Variants in AUTS2 observed in about 807,000 individuals in gnomAD.
The protein encoded by AUTS2 is activator of transcription and developmental regulator AUTS2, also known as autism susceptibility gene 2 protein.
A neutral mutation model predicts 112.4 loss-of-function variants in AUTS2; 17 were observed. The ratio of observed to expected loss-of-function variants is 0.15; its 90% CI spans 0.10 to 0.23. AUTS2 has a LOEUF of 0.23. AUTS2 is among the 10% of genes least tolerant of loss of function. The probability of loss-of-function intolerance (pLI) is 1.00; values close to 1 mark genes in which losing one functional copy is unlikely to be tolerated. For synonymous variants in AUTS2, 751 were observed against 702.7 expected (o/e 1.07, Z -1.09); for missense variants, 1,510 against 1,701.6 (o/e 0.89, Z 1.98).
At chr7:70,152,054 A>T (rs1218399538) in intron 4 of AUTS2, among the ~76,000 whole-genome samples, 1 of 152,208 alleles carries the variant, frequency 6.6e-6, no homozygotes, top group African/African-American at 2.4e-5. Context: ...AAAATATATT[A>T]TATGGGATTA....
chr7:70,629,503 G>A (rs1805144937), intron 5 of AUTS2, among the ~76,000 whole-genome samples: 2 of 151,770 alleles, frequency 1.3e-5, no homozygotes, highest in Non-Finnish European at 1.5e-5. Flanking sequence ...AAAGCCCACA[G>A]CTAAAAGCCA....
rs1171296742 is a variant in AUTS2 at position 70,303,430 on chromosome 7, G to GCACA, written c.661-132321_661-132320insACAC. Among the ~76,000 whole-genome samples the GCACA allele has an allele frequency of 1.2e-3, 137 of 109,940 alleles. 1 individual carries two copies. The highest frequency in any genetic ancestry group is 4.7e-3 in the African/African-American group (130 of 27,552). The allele number at this position is 109,940 out of a possible 152,430, so 72.1% of individuals were successfully genotyped here. Reference sequence around the variant, plus strand: ...TGTGCACGCACACACACACGCGCGCGCGCGCACATACACACACACACACAC... The same window carrying GCACA: ...TGTGCACGCACACACACACGCGCGCGCACACGCGCACATACACACACACACACAC... On this transcript the variant is annotated intron_variant, in intron 4 of 18. Coordinates refer to ENST00000342771, the MANE Select transcript of AUTS2 (RefSeq NM_015570.4).
chr7:70,627,742 G>T (rs1343406056), intron 5 of AUTS2, among the ~76,000 whole-genome samples: 2 of 152,232 alleles, frequency 1.3e-5, no homozygotes, highest in African/African-American at 4.8e-5. Context: ...AAAAAGGGAT[G>T]CTTTGTTCTC....
At chr7:70,596,141 G>T in intron 5 of AUTS2, 1 of 152,936 alleles carries the variant, frequency 6.5e-6, no homozygotes, top group South Asian at 1.8e-4. Context: ...CGGTCATGAG[G>T]AGCGAGGCGG....
At chr7:70,155,462 C>CT (rs112695108) in intron 4 of AUTS2, among the ~76,000 whole-genome samples, 6,305 of 137,482 alleles carry the variant, frequency 0.046, 171 homozygotes, top group Middle Eastern at 0.095. Context: ...GGGCCCTTGA[C>CT]TTTTTTTTTT....
At chr7:70,553,760 CTTTTTTTTTTTT>C (rs71531706) in intron 5 of AUTS2, among the ~76,000 whole-genome samples, 1 of 56,118 alleles carries the variant, frequency 1.8e-5, no homozygotes, top group Non-Finnish European at 3.1e-5. Flanking sequence ...GCCTTTCTTT[CTTTTTTTTTTTT>C]TTTTTTTTTT....
chr7:69,784,935 C>T (rs563923746), intron 1 of AUTS2, among the ~76,000 whole-genome samples: 10 of 152,124 alleles, frequency 6.6e-5, no homozygotes, highest in Non-Finnish European at 1.2e-4. Context: ...AAAAAAGGTC[C>T]TTGCTGTCGT....
At chr7:70,287,827 A>AT (rs11399293) in intron 4 of AUTS2, among the ~76,000 whole-genome samples, 3 of 150,784 alleles carry the variant, frequency 2.0e-5, no homozygotes, top group South Asian at 4.2e-4. Context: ...AAAAAAAAAA[A>AT]TTTTTTTTTA....
intron 5 of AUTS2, among the ~76,000 whole-genome samples, chr7:70,581,319 G>T (rs1217895764): frequency 1.3e-5 from 2 of 152,156 alleles, no homozygotes; most frequent in Non-Finnish European, 2.9e-5. Flanking sequence ...CTGGGAGGCG[G>T]AGGTTGTGGT....
intron 4 of AUTS2, among the ~76,000 whole-genome samples, chr7:70,330,641 CAGCTTTTGCATTTCTGCAAAAAGA>C (rs1187912613): frequency 2.0e-5 from 3 of 152,148 alleles, no homozygotes; most frequent in Non-Finnish European, 4.4e-5. Flanking sequence ...ATCTGTGGAT[CAGCTTTTGCATTTCTGCAAAAAGA>C]TCACTAGAAT....
At chr7:69,725,850 G>A (rs977306227) in intron 1 of AUTS2, among the ~76,000 whole-genome samples, 8 of 152,172 alleles carry the variant, frequency 5.3e-5, no homozygotes, top group Non-Finnish European at 8.8e-5. Flanking sequence ...TAATGTACCT[G>A]CAGGATTTGG....
intron 2 of AUTS2, among the ~76,000 whole-genome samples, chr7:69,970,873 T>C (rs2129547981): frequency 6.6e-6 from 1 of 152,316 alleles, no homozygotes; most frequent in East Asian, 1.9e-4. Flanking sequence ...TCCCTGCACG[T>C]AATAGATATT....
chr7:70,459,793 A>C (rs1796887735), intron 5 of AUTS2, among the ~76,000 whole-genome samples: 1 of 152,182 alleles, frequency 6.6e-6, no homozygotes, highest in African/African-American at 2.4e-5. Flanking sequence ...CTCCTGGATG[A>C]ACTGCACTGT....
At chr7:70,585,079 G>A (rs1455179836) in intron 5 of AUTS2, among the ~76,000 whole-genome samples, 1 of 152,186 alleles carries the variant, frequency 6.6e-6, no homozygotes, top group African/African-American at 2.4e-5. Context: ...CAAATCTGAG[G>A]GGTGTGTTGG....
intron 1 of AUTS2, among the ~76,000 whole-genome samples, chr7:69,723,066 G>A (rs376828170): frequency 7.9e-5 from 12 of 152,108 alleles, no homozygotes; most frequent in African/African-American, 2.9e-4. Flanking sequence ...TGTTGTACGT[G>A]CAGCTGCATA....
At chr7:70,674,605 A>T (rs1807818152) in intron 5 of AUTS2, among the ~76,000 whole-genome samples, 1 of 152,222 alleles carries the variant, frequency 6.6e-6, no homozygotes. Flanking sequence ...GATAATGGCA[A>T]CCTGGCCTTC....
intron 1 of AUTS2, among the ~76,000 whole-genome samples, chr7:69,643,687 G>A (rs534171890): frequency 2.0e-5 from 3 of 151,962 alleles, no homozygotes; most frequent in East Asian, 1.9e-4. Flanking sequence ...TGCTCATTAA[G>A]TGTTTGTCAA....
At chr7:69,899,562 A>G (rs1584412917) in intron 2 of AUTS2, 64 bp downstream of exon 2, 2 of 1,516,574 alleles carry the variant, frequency 1.3e-6, no homozygotes, top group African/African-American at 1.4e-5. Context: ...TGCTTCCTCC[A>G]CTGTGGTTTT....
intron 6 of AUTS2, among the ~76,000 whole-genome samples, chr7:70,716,664 A>AAAAAAAG (rs1810390632): frequency 6.8e-6 from 1 of 146,970 alleles, no homozygotes; most frequent in Non-Finnish European, 1.5e-5. Flanking sequence ...AAAAAAAAAA[A>AAAAAAAG]AGGGAAGTCT....
Sources: allele counts gnomAD v4.1 joint callset (sites outside exome capture counted in the v4.1 genomes callset), GRCh38; gene constraint gnomAD v4.1.1; transcripts MANE v1.5; gene names NCBI Gene and HGNC (gene_info 2026-07-23, HGNC 2026-07-21).